Variants in PDZRN4 observed in about 807,000 individuals in gnomAD.
PDZRN4 encodes PDZ domain-containing RING finger protein 4.
A neutral mutation model predicts 99.0 loss-of-function variants in PDZRN4; 70 were observed. That is an observed-to-expected ratio of 0.71 (90% CI 0.58 to 0.86). The LOEUF (loss-of-function observed/expected upper bound fraction) is 0.86, where lower values mean the gene tolerates loss of function less well. PDZRN4 is among the 40% of genes least tolerant of loss of function. The pLI, the probability that PDZRN4 is intolerant of heterozygous loss-of-function variation, is 0.00. For synonymous variants in PDZRN4, 551 were observed against 501.6 expected, an observed-to-expected ratio of 1.10 and a Z score of -1.32; for missense variants, 1,474 against 1,331.2, an observed-to-expected ratio of 1.11 and a Z score of -1.67.
intron 3 of PDZRN4, among the ~76,000 whole-genome samples, chr12:41,238,785 A>G (rs1951084901): frequency 6.6e-6 from 1 of 152,150 alleles, no homozygotes; most frequent in Admixed American, 6.5e-5. Context: ...CCGAAGTGCT[A>G]TTATTAAAAA....
At chr12:41,428,093 A>G (rs1952552971) in intron 3 of PDZRN4, among the ~76,000 whole-genome samples, 1 of 152,166 alleles carries the variant, frequency 6.6e-6, no homozygotes, top group Admixed American at 6.5e-5. Flanking sequence ...ATCTCAAAAA[A>G]ACAACAACAA....
chr12:41,544,704 T>C (rs1938916747), intron 5 of PDZRN4, among the ~76,000 whole-genome samples: 1 of 152,208 alleles, frequency 6.6e-6, no homozygotes, highest in Admixed American at 6.5e-5. Flanking sequence ...AAGAAGCTAC[T>C]AAGCATCAGT....
intron 6 of PDZRN4, among the ~76,000 whole-genome samples, chr12:41,553,390 G>A (rs960707615): frequency 2.0e-5 from 3 of 152,318 alleles, no homozygotes; most frequent in Non-Finnish European, 4.4e-5. Flanking sequence ...CTCGCAAAAA[G>A]CATTATTTTA....
At chr12:41,261,521 G>T (rs144855676) in intron 3 of PDZRN4, among the ~76,000 whole-genome samples, 45 of 152,114 alleles carry the variant, frequency 3.0e-4, no homozygotes, top group Non-Finnish European at 7.4e-5. Flanking sequence ...ATGGAGTCTC[G>T]CTCTATCGCC....
At chr12:41,424,827 G>A (rs1392277091) in intron 3 of PDZRN4, among the ~76,000 whole-genome samples, 1 of 152,106 alleles carries the variant, frequency 6.6e-6, no homozygotes, top group African/African-American at 2.4e-5. Context: ...CAAGCCTGGA[G>A]TGAGTGGAGA....
intron 3 of PDZRN4, among the ~76,000 whole-genome samples, chr12:41,333,916 C>A (rs948580743): frequency 6.6e-6 from 1 of 152,002 alleles, no homozygotes; most frequent in Non-Finnish European, 1.5e-5. Flanking sequence ...TTTTTGTGTG[C>A]GCAAACATAC....
In PDZRN4 at chr12:41,360,383, T is replaced by C. The variant is rs559627926; in HGVS notation, c.844-146073T>C. 5.9e-5 allele frequency among the ~76,000 whole-genome samples: 9 copies of C among 152,190 alleles called. No homozygotes were observed. In the South Asian group the frequency reaches 1.9e-3, roughly 32 times the overall value. On this transcript the variant is annotated intron_variant, in intron 3 of 9. Transcript: ENST00000402685. The stretch of plus-strand genomic sequence containing the variant: ...TATAAAATAATTTTTAGGCAATGTT[T>C]AGGACACAAGTCTCCATCTCTCATG...
At chr12:41,521,126 A>T (rs905472608) in intron 5 of PDZRN4, among the ~76,000 whole-genome samples, 1 of 152,156 alleles carries the variant, frequency 6.6e-6, no homozygotes, top group African/African-American at 2.4e-5. Flanking sequence ...TCTCTCAAAT[A>T]TTCTTTTGCC....
At chr12:41,341,199 A>G (rs1951814490) in intron 3 of PDZRN4, among the ~76,000 whole-genome samples, 2 of 151,782 alleles carry the variant, frequency 1.3e-5, no homozygotes, top group Admixed American at 1.3e-4. Context: ...TTAGGTATGG[A>G]GAATATGCAT....
At chr12:41,364,365 T>G (rs1951983193) in intron 3 of PDZRN4, among the ~76,000 whole-genome samples, 2 of 152,108 alleles carry the variant, frequency 1.3e-5, no homozygotes, top group Non-Finnish European at 2.9e-5. Flanking sequence ...ATAGGGATTT[T>G]GCTGACAATG....
intron 3 of PDZRN4, among the ~76,000 whole-genome samples, chr12:41,226,903 A>T (rs74817460): frequency 0.017 from 2,623 of 152,250 alleles, 40 homozygotes; most frequent in East Asian, 0.06. Context: ...TGCCAGTCAA[A>T]CTGACTTTCT....
chr12:41,509,242 G>A (rs1385481374), intron 4 of PDZRN4, among the ~76,000 whole-genome samples: 1 of 152,022 alleles, frequency 6.6e-6, no homozygotes, highest in Non-Finnish European at 1.5e-5. Flanking sequence ...TTGTGTATAT[G>A]TCCTTGATCA....
intron 1 of PDZRN4, among the ~76,000 whole-genome samples, chr12:41,190,508 G>A (rs1163770615): frequency 6.6e-6 from 1 of 152,180 alleles, no homozygotes. Flanking sequence ...AACAAGTCAA[G>A]CTATGATTCT....
intron 3 of PDZRN4, among the ~76,000 whole-genome samples, chr12:41,388,256 GGGT>G (rs988392799): frequency 6.6e-6 from 1 of 152,148 alleles, no homozygotes; most frequent in African/African-American, 2.4e-5. Context: ...AGAGCATGGA[GGGT>G]GGTTGGAAGG....
At chr12:41,569,492 T>G (rs536942482) in intron 9 of PDZRN4, among the ~76,000 whole-genome samples, 1 of 152,190 alleles carries the variant, frequency 6.6e-6, no homozygotes, top group South Asian at 2.1e-4. Flanking sequence ...TGACCTCAAG[T>G]GCTCCACCAG....
chr12:41,511,656 T>G (rs183143820), intron 5 of PDZRN4, among the ~76,000 whole-genome samples: 20 of 152,198 alleles, frequency 1.3e-4, no homozygotes, highest in Non-Finnish European at 2.8e-4. Context: ...GGAGAATACC[T>G]CCAGAGAAAT....
At chr12:41,549,314 T>C (rs1484379462) in intron 5 of PDZRN4, among the ~76,000 whole-genome samples, 1 of 152,178 alleles carries the variant, frequency 6.6e-6, no homozygotes, top group South Asian at 2.1e-4. Flanking sequence ...GTGTGTCCTG[T>C]GAAGGGAATA....
intron 5 of PDZRN4, among the ~76,000 whole-genome samples, chr12:41,534,874 C>T (rs1487313188): frequency 6.6e-6 from 1 of 152,072 alleles, no homozygotes; most frequent in Non-Finnish European, 1.5e-5. Flanking sequence ...ACACAATATT[C>T]TGTCTTTATC....
At chr12:41,422,185 A>C (rs1301982819) in intron 3 of PDZRN4, among the ~76,000 whole-genome samples, 8 of 152,196 alleles carry the variant, frequency 5.3e-5, no homozygotes, top group African/African-American at 1.9e-4. Context: ...CTAGGGAAAT[A>C]GTTAAATGAA....
Sources: gnomAD v4.1 joint callset for allele counts (sites outside exome capture counted in the v4.1 genomes callset) on GRCh38, gnomAD v4.1.1 for gene constraint, MANE v1.5 for transcripts, NCBI Gene and HGNC (gene_info 2026-07-23, HGNC 2026-07-21) for gene names.